The following RAB3GAP1 variants were observed in gnomAD, a reference collection of about 807,000 sequenced individuals.
RAB3GAP1 encodes the protein rab3 GTPase-activating protein catalytic subunit.
A neutral mutation model predicts 130.7 loss-of-function variants in RAB3GAP1; 86 were observed. The ratio of observed to expected loss-of-function variants is 0.66; its 90% CI spans 0.55 to 0.79. The LOEUF (loss-of-function observed/expected upper bound fraction) is 0.79, where lower values mean the gene tolerates loss of function less well. Among genes scored for constraint, RAB3GAP1 ranks in the 30% least tolerant of loss-of-function variants. The probability of loss-of-function intolerance (pLI) is 0.00; values close to 1 mark genes in which losing one functional copy is unlikely to be tolerated. For synonymous variants in RAB3GAP1, 367 were observed against 401.7 expected, an observed-to-expected ratio of 0.91 and a Z score of 1.03; for missense variants, 1,029 against 1,169.4, an observed-to-expected ratio of 0.88 and a Z score of 1.75.
downstream of RAB3GAP1, among the ~76,000 whole-genome samples, chr2:135,171,931 G>A (rs1429795408): frequency 6.6e-6 from 1 of 152,196 alleles, no homozygotes; most frequent in Non-Finnish European, 1.5e-5. Context: ...AAAAGCCTGA[G>A]GCAGGAGTGT....
chr2:135,128,968 T>A (rs1691436307), intron 11 of RAB3GAP1, among the ~76,000 whole-genome samples: 1 of 152,076 alleles, frequency 6.6e-6, no homozygotes, highest in Non-Finnish European at 1.5e-5. Context: ...CTTGGCAACA[T>A]GGCAAAACCT....
chr2:135,139,179 C>T (rs986898937), intron 17 of RAB3GAP1, among the ~76,000 whole-genome samples: 2 of 151,964 alleles, frequency 1.3e-5, no homozygotes, highest in Non-Finnish European at 2.9e-5. Context: ...ATGTTTTCTG[C>T]TAGTCATTTT....
intron 7 of RAB3GAP1, among the ~76,000 whole-genome samples, chr2:135,117,450 T>TCTTCTTCTGCTTCTG (rs1553445221): frequency 2.3e-5 from 2 of 88,224 alleles, no homozygotes; most frequent in Non-Finnish European, 2.3e-5. Context: ...TTCTTCTTCT[T>TCTTCTTCTGCTTCTG]CTTCTGCTTC....
At chr2:135,135,130 ACTTAC>A (rs1449826332) in intron 15 of RAB3GAP1, 130 bp from the exon 16 acceptor site, 29 of 732,208 alleles carry the variant, frequency 4.0e-5, no homozygotes, top group Non-Finnish European at 6.5e-5. Context: ...TCTGGAATTC[ACTTAC>A]CTTACCTGTG....
chr2:135,120,013 G>T (rs186564964), intron 7 of RAB3GAP1, among the ~76,000 whole-genome samples: 1 of 152,248 alleles, frequency 6.6e-6, no homozygotes. Flanking sequence ...TTGTGTGAGT[G>T]ATCATTCATT....
chr2:135,105,989 C>T (rs1381191225), intron 5 of RAB3GAP1, among the ~76,000 whole-genome samples: 9 of 149,170 alleles, frequency 6.0e-5, no homozygotes, highest in South Asian at 4.3e-4. Flanking sequence ...GGAGCCCCTC[C>T]GCCCGGCAGC....
At chr2:135,142,116 G>A (rs565045535) in intron 17 of RAB3GAP1, among the ~76,000 whole-genome samples, 249 of 152,168 alleles carry the variant, frequency 1.6e-3, no homozygotes, top group African/African-American at 5.8e-3. Context: ...AATTCAGATT[G>A]CATTGAATTT....
Position 135,132,897 on chromosome 2 carries a change from C to T in RAB3GAP1, c.1239C>T (p.Phe413=). Residue 413 remains phenylalanine (F), a splice_region_variant and synonymous_variant, in exon 14 of 24, where the codon TTC becomes TTT. Coordinates refer to ENST00000264158, the MANE Select transcript of RAB3GAP1 (RefSeq NM_012233.3). Reference sequence around the variant, plus strand: ...TTATTTTTTTCCTTTCCTTCAAGTTCTTATTCCCTGATGCTGTTTCTGAGA... The same window carrying T: ...TTATTTTTTTCCTTTCCTTCAAGTTTTTATTCCCTGATGCTGTTTCTGAGA... ...NNDVLNTILL[F]LFPDAVSEKP... 6.5e-7 allele frequency: 1 copy of T among 1,545,548 alleles called. No individual in the cohort carries two copies. Among genetic ancestry groups the T allele is most frequent in the Non-Finnish European group, 8.9e-7 (1 of 1,118,100 alleles).
chr2:135,123,401 T>G (rs985279564), intron 8 of RAB3GAP1, among the ~76,000 whole-genome samples: 58 of 152,332 alleles, frequency 3.8e-4, no homozygotes, highest in Non-Finnish European at 4.3e-4. Context: ...TGATGACTAA[T>G]TTTAATCATT....
intron 3 of RAB3GAP1, among the ~76,000 whole-genome samples, chr2:135,066,110 A>C (rs1182390341): frequency 6.6e-6 from 1 of 152,076 alleles, no homozygotes; most frequent in East Asian, 1.9e-4. Flanking sequence ...TGAGTCCAGA[A>C]AGTTTGAGAA....
At chr2:135,055,087 G>A (rs902548498) in intron 2 of RAB3GAP1, among the ~76,000 whole-genome samples, 2 of 152,128 alleles carry the variant, frequency 1.3e-5, no homozygotes, top group Non-Finnish European at 2.9e-5. Context: ...AAACAGGTAC[G>A]GTTTCTGCTT....
At chr2:135,126,332 C>A in intron 10 of RAB3GAP1, 83 bp downstream of exon 10, 3 of 1,123,806 alleles carry the variant, frequency 2.7e-6, no homozygotes, top group Non-Finnish European at 4.0e-6. Flanking sequence ...TTTTTATATG[C>A]ATTTTTTATT....
intron 3 of RAB3GAP1, among the ~76,000 whole-genome samples, chr2:135,088,702 AAAAAAAG>A (rs1283654359): frequency 1.2e-3 from 181 of 151,608 alleles, no homozygotes; most frequent in African/African-American, 4.2e-3. Context: ...AAAAAAAAAA[AAAAAAAG>A]AAAGAAAAGA....
chr2:135,168,678 C>A lies in RAB3GAP1; in HGVS notation c.2843C>A (p.Pro948His), dbSNP rs199983133. 6.2e-7 allele frequency: 1 copy of A among 1,614,112 alleles called. No homozygotes were observed. Among genetic ancestry groups the A allele is most frequent in the African/African-American group, 1.3e-5 (1 of 74,940 alleles). The change falls in exon 24 of 24, where the codon CCT becomes CAT. Residue 948 changes from proline (P) to histidine (H), a missense_variant. Physicochemically the swap from Pro to His is moderately conservative, Grantham distance 77. This residue lies in a region of RAB3GAP1 where 146 missense variants were observed against 143.7 expected (regional missense o/e 1.02). Transcript: ENST00000264158. ...EFILRTTVPR[P>H]APYSKALPQR... The stretch of plus-strand genomic sequence containing the variant: ...ATTTTGCGCACCACTGTGCCGCGCC[C>A]TGCTCCCTACTCCAAAGCTCTGCCT...
At chr2:135,141,230 T>TC (rs796952250) in intron 17 of RAB3GAP1, among the ~76,000 whole-genome samples, 17 of 142,126 alleles carry the variant, frequency 1.2e-4, no homozygotes, top group African/African-American at 3.9e-4. Flanking sequence ...ACTTACTTCT[T>TC]TTTTTTTTTT....
At chr2:135,056,144 TC>T (rs1379493233) in intron 2 of RAB3GAP1, among the ~76,000 whole-genome samples, 2 of 152,040 alleles carry the variant, frequency 1.3e-5, no homozygotes, top group African/African-American at 2.4e-5. Context: ...CCGACATATT[TC>T]CTTCTAACGT....
At chr2:135,113,335 A>G (rs1204551169) in intron 6 of RAB3GAP1, 65 bp downstream of exon 6, 7 of 1,572,894 alleles carry the variant, frequency 4.5e-6, no homozygotes, top group Non-Finnish European at 5.2e-6. Context: ...ATGAAGGCAA[A>G]CAGTTATTAA....
chr2:135,087,998 TG>T (rs1312540307), intron 3 of RAB3GAP1, among the ~76,000 whole-genome samples: 1 of 152,178 alleles, frequency 6.6e-6, no homozygotes, highest in East Asian at 1.9e-4. Context: ...GAATTGAATA[TG>T]GGATGTTAGA....
rs1433703334 is a variant in RAB3GAP1 at position 135,130,077 on chromosome 2, A to G, written c.1056A>G (p.Glu352=). Residue 352 remains glutamate (E), a synonymous_variant, in exon 12 of 24, where the codon GAA becomes GAG. Coordinates refer to ENST00000264158, the MANE Select transcript of RAB3GAP1 (RefSeq NM_012233.3). ...DEILGRSAFE[E]EGKETADITH... ...TTCTTGGACGATCTGCATTTGAGGAAGAAGGCAAAGGTAACCTACATTTTT... is the reference window on the plus strand; with the variant it reads ...TTCTTGGACGATCTGCATTTGAGGAGGAAGGCAAAGGTAACCTACATTTTT... The G allele has an allele frequency of 5.6e-6, 9 of 1,611,934 alleles. No homozygotes were observed. The highest frequency in any genetic ancestry group is 2.2e-5 in the East Asian group (1 of 44,802).
Sources: allele counts gnomAD v4.1 joint callset (sites outside exome capture counted in the v4.1 genomes callset), GRCh38; gene constraint gnomAD v4.1.1; regional missense constraint gnomAD v4.1.1; transcripts MANE v1.5; gene names NCBI Gene and HGNC (gene_info 2026-07-23, HGNC 2026-07-21).